Variants in HPGDS observed in about 807,000 individuals in gnomAD.
HPGDS encodes the protein GST class-sigma.
In HPGDS, 26 loss-of-function variants were observed where a neutral mutation model predicts 23.1. The ratio of observed to expected loss-of-function variants is 1.13; its 90% CI spans 0.83 to 1.56. The LOEUF (loss-of-function observed/expected upper bound fraction) is 1.56, where lower values mean the gene tolerates loss of function less well. Among genes scored for constraint, HPGDS ranks in the 40% most tolerant of loss-of-function variants. The probability of loss-of-function intolerance (pLI) is 0.00; values close to 1 mark genes in which losing one functional copy is unlikely to be tolerated. For synonymous variants in HPGDS, 95 were observed against 77.9 expected (o/e 1.22, Z -1.16); for missense variants, 268 against 236.4 (o/e 1.13, Z -0.88).
Position 94,299,590 on chromosome 4 carries a change from T to C in HPGDS, c.490A>G (p.Lys164Glu), listed in dbSNP as rs1170867895. ...GGATGGTTGTCTAACAGGTCAGGCT[T>C]AAAGACCAAAAGTGTGGTACTGCAA... is the stretch of plus-strand genomic sequence containing the variant. ...EICSTTLLVF[K>E]PDLLDNHPRL... Residue 164 changes from lysine to glutamate, a missense_variant, in exon 6 of 6, where the codon AAG becomes GAG. Coordinates refer to ENST00000295256, the MANE Select transcript of HPGDS (RefSeq NM_014485.3). 6.2e-6 allele frequency: 10 copies of C among 1,613,954 alleles called. No homozygotes were observed. Among genetic ancestry groups the C allele is most frequent in the Non-Finnish European group, 8.5e-6 (10 of 1,179,984 alleles).
At chr4:94,337,480 G>C (rs1721046049) in intron 1 of HPGDS, among the ~76,000 whole-genome samples, 1 of 151,958 alleles carries the variant, frequency 6.6e-6, no homozygotes, top group African/African-American at 2.4e-5. Flanking sequence ...TTTGAGACCA[G>C]CTTGGCCAAC....
intron 5 of HPGDS, 132 bp from the exon 6 acceptor site, chr4:94,299,776 A>G (rs1028120464): frequency 2.4e-6 from 2 of 839,172 alleles, no homozygotes; most frequent in Non-Finnish European, 3.6e-6. Flanking sequence ...GAATGTTTAT[A>G]TGATAGAAGT....
At chr4:94,340,311 C>CTTTTTTTTTTTTTTTTTTTTTTTTTTTTT (rs869240610) in intron 1 of HPGDS, among the ~76,000 whole-genome samples, 1 of 23,686 alleles carries the variant, frequency 4.2e-5, no homozygotes, top group African/African-American at 1.5e-4. Flanking sequence ...CTTTCTTTCT[C>CTTTTTTTTTTTTTTTTTTTTTTTTTTTTT]TTTTTTTTTT....
chr4:94,316,287 G>A (rs79769417), intron 3 of HPGDS, among the ~76,000 whole-genome samples: 3,313 of 152,174 alleles, frequency 0.022, 115 homozygotes, highest in African/African-American at 0.075. Context: ...TATTGAGAAC[G>A]GCAAACTCTG....
At chr4:94,302,367 A>G in intron 4 of HPGDS, 123 bp from the exon 5 acceptor site, 2 of 663,762 alleles carry the variant, frequency 3.0e-6, no homozygotes, top group Non-Finnish European at 5.2e-6. Context: ...AGAAGTAGCT[A>G]GATTTTTTAT....
chr4:94,304,323 A>G (rs1312964399), intron 4 of HPGDS, among the ~76,000 whole-genome samples: 1 of 152,156 alleles, frequency 6.6e-6, no homozygotes, highest in Non-Finnish European at 1.5e-5. Context: ...GGAAATGGAA[A>G]CACAGATACA....
intron 1 of HPGDS, among the ~76,000 whole-genome samples, chr4:94,338,918 G>C (rs1426575): frequency 0.55 from 83,863 of 151,960 alleles, 23,777 homozygotes; most frequent in Non-Finnish European, 0.62. Context: ...CCAAGACAAA[G>C]AAAAAAAGAG....
intron 2 of HPGDS, among the ~76,000 whole-genome samples, chr4:94,326,515 T>A (rs1228496281): frequency 6.6e-6 from 1 of 152,180 alleles, no homozygotes; most frequent in Non-Finnish European, 1.5e-5. Flanking sequence ...TTGTATTTTT[T>A]AAATTTCATT....
rs149018179 is a variant in HPGDS, at chr4:94,315,126, G to A, written c.226+2747C>T. 8.1e-3 allele frequency among the ~76,000 whole-genome samples: 1,230 copies of A among 152,214 alleles called. 14 individuals carry two copies. The highest frequency in any genetic ancestry group is 0.044 in the Middle Eastern group (13 of 294). On this transcript the variant is annotated intron_variant, in intron 3 of 5. Transcript: ENST00000295256. The stretch of plus-strand genomic sequence containing the variant: ...CCTCACCCTGTTTCAGCTCATGCTC[G>A]GTGCACTGCACCCACTGTCCTGCAC...
intron 5 of HPGDS, among the ~76,000 whole-genome samples, chr4:94,301,708 G>C (rs114706953): frequency 2.9e-4 from 44 of 152,070 alleles, no homozygotes; most frequent in Admixed American, 6.5e-4. Flanking sequence ...CCAATAGTTT[G>C]TAGTACCACC....
chr4:94,302,169 TC>T lies in HPGDS; in HGVS notation c.411del (p.Arg138GlufsTer9). On this transcript the variant is annotated frameshift_variant, in exon 5 of 6. Transcript: ENST00000295256. LOFTEE classifies it high-confidence loss of function. ...LMQDLDTYLG[G>X]REWLIGNSVT... The stretch of plus-strand genomic sequence containing the variant: ...ACAGAGTTACCAATAAGCCATTCTC[TC>T]CCCCCTAAATATGTGTCCAAGTCTT... 4.3e-6 allele frequency: 7 copies of T among 1,611,036 alleles called. No individual in the cohort carries two copies. The highest frequency in any genetic ancestry group is 5.9e-6 in the Non-Finnish European group (7 of 1,177,760).
At chr4:94,312,239 G>A (rs537299915) in intron 3 of HPGDS, among the ~76,000 whole-genome samples, 2,439 of 151,910 alleles carry the variant, frequency 0.016, 50 homozygotes, top group African/African-American at 0.054. Context: ...TTAGGGTGTC[G>A]ATTTTAGATC....
At chr4:94,300,558 A>G (rs967665500) in intron 5 of HPGDS, among the ~76,000 whole-genome samples, 5 of 152,120 alleles carry the variant, frequency 3.3e-5, no homozygotes, top group Non-Finnish European at 7.4e-5. Context: ...TGGCTGGAAG[A>G]CTCAGAATTC....
At chr4:94,342,212 AG>A (rs1459417252) in intron 1 of HPGDS, among the ~76,000 whole-genome samples, 8 of 152,040 alleles carry the variant, frequency 5.3e-5, no homozygotes, top group Admixed American at 5.2e-4. Context: ...CCAAAGCAAG[AG>A]GAATAACTGA....
At chr4:94,335,981 G>A (rs1310375434) in intron 1 of HPGDS, among the ~76,000 whole-genome samples, 5 of 152,078 alleles carry the variant, frequency 3.3e-5, no homozygotes, top group Admixed American at 6.5e-5. Context: ...CAAGGCAGGC[G>A]GATCACCTGA....
intron 3 of HPGDS, among the ~76,000 whole-genome samples, chr4:94,311,413 C>G (rs1003546444): frequency 6.6e-6 from 1 of 151,060 alleles, no homozygotes; most frequent in African/African-American, 2.5e-5. Flanking sequence ...TTTTTGTCAT[C>G]GGTTGTGTTT....
At chr4:94,331,980 T>C (rs1560595014) in intron 2 of HPGDS, among the ~76,000 whole-genome samples, 2 of 152,084 alleles carry the variant, frequency 1.3e-5, no homozygotes, top group Non-Finnish European at 2.9e-5. Flanking sequence ...TCCTGATTGG[T>C]TCTTTCTGAA....
intron 5 of HPGDS, among the ~76,000 whole-genome samples, 199 bp from the exon 6 acceptor site, chr4:94,299,843 C>T (rs987855444): frequency 6.6e-6 from 1 of 152,128 alleles, no homozygotes; most frequent in African/African-American, 2.4e-5. Context: ...TAAACATTTT[C>T]GTGTATAAGA....
rs1005345803 is a variant in HPGDS, at chr4:94,318,109, C to G, written c.134-144G>C. 145 of 631,074 alleles carry G rather than the reference C, an allele frequency of 2.3e-4. 1 individual carries two copies. Among genetic ancestry groups the G allele is most frequent in the Non-Finnish European group, 3.9e-4 (138 of 357,354 alleles). 39.1% of individuals were successfully genotyped at this position (631,074 alleles called of 1,614,324 possible). ...ATATTTTTAAAGGAACACTTGACAACTTGTAGTGGAATATTTATATTTTAT... is the reference window on the plus strand; with the variant it reads ...ATATTTTTAAAGGAACACTTGACAAGTTGTAGTGGAATATTTATATTTTAT... On this transcript the variant is annotated intron_variant, in intron 2 of 5. Transcript: ENST00000295256.
Sources: gnomAD v4.1 joint callset for allele counts (sites outside exome capture counted in the v4.1 genomes callset) on GRCh38, gnomAD v4.1.1 for gene constraint, MANE v1.5 for transcripts, NCBI Gene and HGNC (gene_info 2026-07-23, HGNC 2026-07-21) for gene names.